Variants in NDUFS6 observed in about 807,000 individuals in gnomAD.
NDUFS6 encodes the protein NADH dehydrogenase [ubiquinone] iron-sulfur protein 6, mitochondrial.
A neutral mutation model predicts 13.2 loss-of-function variants in NDUFS6; 14 were observed. That is an observed-to-expected ratio of 1.06 (90% CI 0.70 to 1.66). NDUFS6 has a LOEUF of 1.66. Among genes scored for constraint, NDUFS6 ranks in the 40% most tolerant of loss-of-function variants. NDUFS6 has a pLI of 0.00. For synonymous variants in NDUFS6, 95 were observed against 72.3 expected (o/e 1.31, Z -1.60); for missense variants, 206 against 170.8 (o/e 1.21, Z -1.15).
intron 2 of NDUFS6, among the ~76,000 whole-genome samples, chr5:1,807,058 C>T (rs1168431699): frequency 1.5e-5 from 2 of 135,590 alleles, no homozygotes; most frequent in Non-Finnish European, 3.2e-5. Flanking sequence ...AAGCAGACTG[C>T]GTGATTCCTC....
At position 1,814,361 on chromosome 5, in the gene NDUFS6, A is replaced by G; in HGVS notation, c.209A>G (p.Asp70Gly). ...QKEVNENFAI[D>G]LIAEQPVSEV... The stretch of plus-strand genomic sequence containing the variant: ...CAGGTGAATGAAAACTTTGCCATTG[A>G]TTTGATAGCAGAGCAGCCCGTGAGC... Residue 70 changes from aspartate (D) to glycine (G), a missense_variant, in exon 3 of 4, where the codon GAT becomes GGT. Physicochemically the swap from Asp to Gly is moderately conservative, Grantham distance 94 (BLOSUM62 -1). Transcript: ENST00000274137. This position sits in a 1 kb window ranked among gnomAD's most constrained non-coding sequence, Gnocchi z 4.9. 1 of 1,614,192 alleles carries G rather than the reference A, an allele frequency of 6.2e-7. No individual in the cohort carries two copies. The highest frequency in any genetic ancestry group is 8.5e-7 in the Non-Finnish European group (1 of 1,180,034).
intron 3 of NDUFS6, among the ~76,000 whole-genome samples, 161 bp from the exon 4 acceptor site, chr5:1,815,690 C>T (rs1474215093): frequency 6.6e-6 from 1 of 152,208 alleles, no homozygotes. Context: ...GGGCTTCGGT[C>T]AGCCTGGAAC....
At position 1,815,908 on chromosome 5, in the gene NDUFS6, C is replaced by T; in HGVS notation, c.367C>T (p.His123Tyr). The T allele has an allele frequency of 6.2e-7, 1 of 1,614,236 alleles. No homozygotes were observed. Among genetic ancestry groups the T allele is most frequent in the Non-Finnish European group, 8.5e-7 (1 of 1,180,046 alleles). ...GYCGLQFRQH[H>Y]H ...CTGTGGGCTCCAGTTCAGACAGCAC[C>T]ACCACTAGAGCGTGTGGCACGCCGG... Residue 123 changes from histidine to tyrosine, a missense_variant, in exon 4 of 4, where the codon CAC becomes TAC. His to Tyr is a moderately conservative substitution (Grantham distance 83, BLOSUM62 2). Transcript: ENST00000274137.
chr5:1,810,811 C>T (rs569128510), intron 2 of NDUFS6, among the ~76,000 whole-genome samples: 6 of 151,920 alleles, frequency 3.9e-5, no homozygotes, highest in African/African-American at 1.4e-4. Context: ...TGCCTCTCCC[C>T]CGGCCCCCCA....
At position 1,814,846 on chromosome 5, in the gene NDUFS6, C is replaced by G. The variant is rs1734282825; in HGVS notation, c.309+385C>G. The G allele has an allele frequency of 1.6e-6, 1 of 618,988 alleles. No homozygotes were observed. The highest frequency in any genetic ancestry group is 1.8e-5 in the African/African-American group (1 of 54,322). 38.3% of individuals were successfully genotyped at this position (618,988 alleles called of 1,614,324 possible). A position where few individuals can be genotyped will look rare whatever the true frequency, so the allele number is the denominator to read the frequency against. The stretch of plus-strand genomic sequence containing the variant: ...GAGGCTGCAGCCCAAGACCACCGTG[C>G]CGCTCTGTGGGTTCCTCCTGGGGCC... On this transcript the variant is annotated intron_variant, in intron 3 of 3. Transcript: ENST00000274137. The surrounding 1 kb of genome is among the most constrained non-coding windows in gnomAD (Gnocchi z 4.9).
At chr5:1,807,091 C>T (rs964835974) in intron 2 of NDUFS6, among the ~76,000 whole-genome samples, 15 of 30,482 alleles carry the variant, frequency 4.9e-4, no homozygotes, top group African/African-American at 1.9e-3. Context: ...CCAGAACAGT[C>T]GCTTCTTAGA....
intron 2 of NDUFS6, among the ~76,000 whole-genome samples, chr5:1,802,768 C>A (rs577885396): frequency 6.6e-6 from 1 of 152,158 alleles, no homozygotes; most frequent in Non-Finnish European, 1.5e-5. Flanking sequence ...GGGACTTACA[C>A]TGACAAGCTG....
intron 2 of NDUFS6, among the ~76,000 whole-genome samples, chr5:1,805,990 C>T (rs370896086): frequency 3.3e-5 from 5 of 151,762 alleles, no homozygotes; most frequent in Non-Finnish European, 5.9e-5. Context: ...CTTGGAGCAG[C>T]GCCTGTCCCA....
intron 2 of NDUFS6, among the ~76,000 whole-genome samples, chr5:1,808,610 C>G (rs1162136207): frequency 6.6e-6 from 1 of 152,206 alleles, no homozygotes; most frequent in East Asian, 1.9e-4. Context: ...CTTTGCTTCT[C>G]TATTGTGTCT....
Position 1,805,681 on chromosome 5 carries a change from A to G in NDUFS6, c.186+3307A>G, listed in dbSNP as rs763369051. Among the ~76,000 whole-genome samples, 35 of 152,378 alleles carry G rather than the reference A, an allele frequency of 2.3e-4. 1 individual carries two copies. Among genetic ancestry groups the G allele is most frequent in the Non-Finnish European group, 2.9e-5 (2 of 68,044 alleles). ...AGGTATTTCTCTGCTGTTGATGGAA[A>G]TATTTTCATTGCTTTATAGTCGTAC... On this transcript the variant is annotated intron_variant, in intron 2 of 3. Transcript: ENST00000274137.
Position 1,804,098 on chromosome 5 carries a change from A to G in NDUFS6, c.186+1724A>G, listed in dbSNP as rs148711217. Among the ~76,000 whole-genome samples the G allele has an allele frequency of 3.9e-3, 596 of 152,278 alleles. 5 individuals carry two copies. The highest frequency in any genetic ancestry group is 6.3e-3 in the Non-Finnish European group (426 of 68,028). On this transcript the variant is annotated intron_variant, in intron 2 of 3. Coordinates refer to ENST00000274137, the MANE Select transcript of NDUFS6 (RefSeq NM_004553.6). ...ATCGATGGGTGGTTGTTACTGAGGT[A>G]GTGGCTGGACTCTACATCCTTGCTT...
intron 2 of NDUFS6, among the ~76,000 whole-genome samples, chr5:1,808,844 GC>G (rs1433104543): frequency 1.2e-4 from 19 of 152,206 alleles, no homozygotes; most frequent in Non-Finnish European, 7.3e-5. Flanking sequence ...CACACGTTTA[GC>G]TTAAATAATT....
Position 1,814,198 on chromosome 5 carries a change from A to C in NDUFS6, c.187-141A>C. 8.1e-7 allele frequency: 1 copy of C among 1,232,692 alleles called. No individual in the cohort carries two copies. Among genetic ancestry groups the C allele is most frequent in the Non-Finnish European group, 1.2e-6 (1 of 849,766 alleles). The allele number at this position is 1,232,692 out of a possible 1,614,324, so 76.4% of individuals were successfully genotyped here. A position where few individuals can be genotyped will look rare whatever the true frequency, so the allele number is the denominator to read the frequency against. ...GTGTGTGTAGGCCCTGAATTTAATA[A>C]GGTCTACAATGATAATAGTTAAATG... On this transcript the variant is annotated intron_variant, in intron 2 of 3. Transcript: ENST00000274137. This position sits in a 1 kb window ranked among gnomAD's most constrained non-coding sequence, Gnocchi z 4.9.
chr5:1,808,731 T>G (rs373815596), intron 2 of NDUFS6, among the ~76,000 whole-genome samples: 5 of 152,362 alleles, frequency 3.3e-5, no homozygotes, highest in African/African-American at 9.6e-5. Context: ...ATTGTGGTTT[T>G]TAGAGCATTT....
rs781566412 is a variant in NDUFS6, at chr5:1,801,409, C to T, written c.-9C>T. 6.2e-6 allele frequency: 10 copies of T among 1,605,048 alleles called. No homozygotes were observed. Among genetic ancestry groups the T allele is most frequent in the Admixed American group, 3.3e-5 (2 of 59,848 alleles). On this transcript the variant is annotated 5_prime_UTR_variant, in exon 1 of 4. Transcript: ENST00000274137. ...GACGTTGCGCCGGGTCAAAGGCCAG[C>T]GGCGCAAAATGGCGGCGGCGATGAC...
At position 1,814,507 on chromosome 5, in the gene NDUFS6, C is replaced by A; in HGVS notation, c.309+46C>A. The A allele has an allele frequency of 6.2e-7, 1 of 1,613,828 alleles. No individual in the cohort carries two copies. The highest frequency in any genetic ancestry group is 8.5e-7 in the Non-Finnish European group (1 of 1,179,878). On this transcript the variant is annotated intron_variant, in intron 3 of 3. Coordinates refer to ENST00000274137, the MANE Select transcript of NDUFS6 (RefSeq NM_004553.6). The surrounding 1 kb of genome is among the most constrained non-coding windows in gnomAD (Gnocchi z 4.9). ...GCACATGTTAGGGCAGCCTGCTCGT[C>A]CTCATACTCCCCTTCACTCCCAGTG...
intron 2 of NDUFS6, among the ~76,000 whole-genome samples, chr5:1,810,007 T>G (rs2111356138): frequency 6.6e-6 from 1 of 152,392 alleles, no homozygotes; most frequent in Non-Finnish European, 1.5e-5. Flanking sequence ...CATCTGTAAC[T>G]GACAGAACCT....
In NDUFS6 at chr5:1,814,558, C is replaced by A; in HGVS notation, c.309+97C>A. 2 of 1,580,556 alleles carry A rather than the reference C, an allele frequency of 1.3e-6. No individual in the cohort carries two copies. Among genetic ancestry groups the A allele is most frequent in the Non-Finnish European group, 1.7e-6 (2 of 1,159,092 alleles). ...CCTGTTCTTTCTGTCCTCTTCTCTACCTGCTCCCGAGGCGGCCCTTACGGG... is the reference window on the plus strand; with the variant it reads ...CCTGTTCTTTCTGTCCTCTTCTCTAACTGCTCCCGAGGCGGCCCTTACGGG... On this transcript the variant is annotated intron_variant, in intron 3 of 3. Coordinates refer to ENST00000274137, the MANE Select transcript of NDUFS6 (RefSeq NM_004553.6). The surrounding 1 kb of genome is among the most constrained non-coding windows in gnomAD (Gnocchi z 4.9).
Position 1,814,811 on chromosome 5 carries a change from C to T in NDUFS6, c.309+350C>T. 1 of 650,630 alleles carries T rather than the reference C, an allele frequency of 1.5e-6. No individual in the cohort carries two copies. Among genetic ancestry groups the T allele is most frequent in the Non-Finnish European group, 2.8e-6 (1 of 360,514 alleles). 40.3% of individuals were successfully genotyped at this position (650,630 alleles called of 1,614,324 possible). On this transcript the variant is annotated intron_variant, in intron 3 of 3. Transcript: ENST00000274137. This position sits in a 1 kb window ranked among gnomAD's most constrained non-coding sequence, Gnocchi z 4.9. ...GGTCGAAAACAACAAACACATTTCC[C>T]ACAGCGCTGGAGGCTGCAGCCCAAG... is the stretch of plus-strand genomic sequence containing the variant.
Sources: gnomAD v4.1 joint callset for allele counts (sites outside exome capture counted in the v4.1 genomes callset) on GRCh38, gnomAD v4.1.1 for gene constraint, Gnocchi (gnomAD v3.1) non-coding constraint, MANE v1.5 for transcripts, NCBI Gene and HGNC (gene_info 2026-07-23, HGNC 2026-07-21) for gene names.